Variants in FHIT observed in about 807,000 individuals in gnomAD.
FHIT encodes bis(5'-adenosyl)-triphosphatase.
In FHIT, 19 loss-of-function variants were observed where a neutral mutation model predicts 17.9. That is an observed-to-expected ratio of 1.06 (90% CI 0.74 to 1.56). The LOEUF (loss-of-function observed/expected upper bound fraction) is 1.56. FHIT is among the 40% of genes most tolerant of loss of function. FHIT has a pLI of 0.00. For synonymous variants in FHIT, 81 were observed against 69.7 expected (o/e 1.16, Z -0.81); for missense variants, 248 against 189.2 (o/e 1.31, Z -1.82).
At chr3:60,583,013 C>G (rs1021716305) in intron 4 of FHIT, among the ~76,000 whole-genome samples, 1 of 151,810 alleles carries the variant, frequency 6.6e-6, no homozygotes. Context: ...CGCTTTACTG[C>G]TTGAGTGAGA....
At chr3:61,091,798 G>C (rs992906055) in intron 2 of FHIT, among the ~76,000 whole-genome samples, 1 of 151,588 alleles carries the variant, frequency 6.6e-6, no homozygotes, top group South Asian at 2.1e-4. Context: ...AATTTAGCTG[G>C]GCGTAGTGGC....
intron 5 of FHIT, among the ~76,000 whole-genome samples, chr3:60,189,745 C>A (rs1032199073): frequency 1.3e-5 from 2 of 152,148 alleles, no homozygotes; most frequent in South Asian, 2.1e-4. Flanking sequence ...CATTTACCCA[C>A]GTTTTTTCAT....
chr3:60,846,822 C>G (rs1553746640), intron 3 of FHIT, among the ~76,000 whole-genome samples: 1 of 151,834 alleles, frequency 6.6e-6, no homozygotes, highest in Admixed American at 6.6e-5. Flanking sequence ...GTAACATAAT[C>G]TTTCTTTTTT....
chr3:61,105,085 C>G (rs972036102), intron 2 of FHIT, among the ~76,000 whole-genome samples: 2 of 152,142 alleles, frequency 1.3e-5, no homozygotes. Context: ...GCCATCTCAA[C>G]CTGGTTCAGA....
chr3:60,531,466 G>C (rs1161196678), intron 5 of FHIT, among the ~76,000 whole-genome samples: 1 of 151,868 alleles, frequency 6.6e-6, no homozygotes, highest in Non-Finnish European at 1.5e-5. Context: ...TTTTAGTAGA[G>C]ACGGGGTTTC....
At chr3:60,232,724 T>G (rs952907424) in intron 5 of FHIT, among the ~76,000 whole-genome samples, 1 of 152,164 alleles carries the variant, frequency 6.6e-6, no homozygotes, top group Non-Finnish European at 1.5e-5. Flanking sequence ...ACCCTTGTTC[T>G]GACCATTCTG....
chr3:60,707,249 G>A (rs1553703780), intron 4 of FHIT, among the ~76,000 whole-genome samples: 3 of 152,240 alleles, frequency 2.0e-5, no homozygotes, highest in East Asian at 1.9e-4. Flanking sequence ...AATGGAAACC[G>A]TGATGACAAT....
At chr3:60,182,415 C>G (rs533978811) in intron 5 of FHIT, among the ~76,000 whole-genome samples, 2 of 152,304 alleles carry the variant, frequency 1.3e-5, no homozygotes, top group South Asian at 2.1e-4. Flanking sequence ...AGCAGACGCT[C>G]TCCTTCATAT....
intron 2 of FHIT, among the ~76,000 whole-genome samples, chr3:61,059,372 CTTTTT>C (rs201797361): frequency 2.0e-4 from 23 of 113,272 alleles, no homozygotes; most frequent in South Asian, 1.7e-3. Flanking sequence ...TTGCTTTTTC[CTTTTT>C]TTTTTTTTTT....
chr3:59,854,747 G>A (rs936950604), intron 8 of FHIT, among the ~76,000 whole-genome samples: 1 of 152,164 alleles, frequency 6.6e-6, no homozygotes, highest in East Asian at 1.9e-4. Flanking sequence ...AAACTCTAGA[G>A]CCCATATTAT....
chr3:60,929,223 G>A lies in FHIT; in HGVS notation c.-110-107212C>T, dbSNP rs1005880720. 3.3e-5 allele frequency among the ~76,000 whole-genome samples: 5 copies of A among 152,166 alleles called. No individual in the cohort carries two copies. The East Asian group carries it at 9.6e-4, about 29-fold the overall frequency. On this transcript the variant is annotated intron_variant, in intron 3 of 9. Coordinates refer to ENST00000492590, the MANE Select transcript of FHIT (RefSeq NM_002012.4). ...GATGGGACATATCTCAAAATAATAA[G>A]AGCTATCTATGACAAACCCACAGCC...
chr3:59,777,747 C>T (rs1702395658), intron 8 of FHIT, among the ~76,000 whole-genome samples: 1 of 118,260 alleles, frequency 8.5e-6, no homozygotes, highest in African/African-American at 3.0e-5. Flanking sequence ...CCACCGTCTG[C>T]CTCTTTAACC....
At chr3:59,850,242 T>G (rs890355468) in intron 8 of FHIT, among the ~76,000 whole-genome samples, 1 of 152,242 alleles carries the variant, frequency 6.6e-6, no homozygotes, top group Non-Finnish European at 1.5e-5. Flanking sequence ...ACTTTCATTA[T>G]CAGTGGACAA....
intron 2 of FHIT, among the ~76,000 whole-genome samples, chr3:61,146,001 A>G (rs1318531667): frequency 6.6e-6 from 1 of 152,034 alleles, no homozygotes; most frequent in Non-Finnish European, 1.5e-5. Flanking sequence ...CTGTACCACA[A>G]TTATCCACAA....
At chr3:60,602,279 A>G (rs1355087264) in intron 4 of FHIT, among the ~76,000 whole-genome samples, 3 of 152,314 alleles carry the variant, frequency 2.0e-5, no homozygotes, top group African/African-American at 7.2e-5. Context: ...AACATCTAAG[A>G]AGAAAGCAAG....
At chr3:60,679,824 T>C (rs1417439291) in intron 4 of FHIT, among the ~76,000 whole-genome samples, 2 of 152,170 alleles carry the variant, frequency 1.3e-5, no homozygotes, top group Non-Finnish European at 2.9e-5. Flanking sequence ...GGGGTTTTTT[T>C]TGCATGTTTT....
At chr3:60,125,901 T>G (rs1028159158) in intron 5 of FHIT, among the ~76,000 whole-genome samples, 1 of 152,184 alleles carries the variant, frequency 6.6e-6, no homozygotes, top group Non-Finnish European at 1.5e-5. Context: ...AACAGTTTAT[T>G]GAGAGGCCTC....
chr3:60,454,025 T>C (rs1191781063), intron 5 of FHIT, among the ~76,000 whole-genome samples: 1 of 152,172 alleles, frequency 6.6e-6, no homozygotes, highest in Non-Finnish European at 1.5e-5. Flanking sequence ...TAAATGACTA[T>C]TTCATCTTAA....
intron 5 of FHIT, among the ~76,000 whole-genome samples, chr3:60,133,616 G>T (rs1699688247): frequency 6.6e-6 from 1 of 152,006 alleles, no homozygotes; most frequent in Non-Finnish European, 1.5e-5. Context: ...TGAGAGTGTG[G>T]GGACCAGGGG....
Sources: allele counts gnomAD v4.1 joint callset (sites outside exome capture counted in the v4.1 genomes callset), GRCh38; gene constraint gnomAD v4.1.1; transcripts MANE v1.5; gene names NCBI Gene and HGNC (gene_info 2026-07-23, HGNC 2026-07-21).